Variants in SLC66A1 observed in about 807,000 individuals in gnomAD.
The protein encoded by SLC66A1 is solute carrier family 66 member 1.
In SLC66A1, 23 loss-of-function variants were observed where a neutral mutation model predicts 33.0. The ratio of observed to expected loss-of-function variants is 0.70; its 90% CI spans 0.50 to 0.99. The LOEUF (loss-of-function observed/expected upper bound fraction) is 0.99, where lower values mean the gene tolerates loss of function less well. Among genes scored for constraint, SLC66A1 ranks in the 50% least tolerant of loss-of-function variants. SLC66A1 has a pLI of 0.00. For synonymous variants in SLC66A1, 164 were observed against 175.5 expected (o/e 0.93, Z 0.52); for missense variants, 335 against 383.6 (o/e 0.87, Z 1.06).
downstream of SLC66A1, among the ~76,000 whole-genome samples, chr1:19,333,983 G>A (rs2093898570): frequency 6.6e-6 from 1 of 152,172 alleles, no homozygotes; most frequent in Non-Finnish European, 1.5e-5. This position sits in a 1 kb window ranked among gnomAD's most constrained non-coding sequence, Gnocchi z 4.2. Flanking sequence ...AGGGCAGGGA[G>A]TGGGTTACCT....
In SLC66A1 at chr1:19,322,408, C is replaced by G. The variant is rs544462928; in HGVS notation, c.165-2225C>G. 5.3e-5 allele frequency among the ~76,000 whole-genome samples: 8 copies of G among 152,110 alleles called. No homozygotes were observed. In the South Asian group the frequency reaches 1.5e-3, roughly 28 times the overall value. ...TGGTCTTCCCTAGGACTCAGTCTCT[C>G]CTGAGTGGGACAGAATCACTTTCCT... On this transcript the variant is annotated intron_variant, in intron 2 of 7. Coordinates refer to ENST00000375153, the MANE Select transcript of SLC66A1 (RefSeq NM_001040125.2).
intron 2 of SLC66A1, among the ~76,000 whole-genome samples, chr1:19,322,074 G>A (rs905787355): frequency 2.0e-5 from 3 of 152,156 alleles, no homozygotes; most frequent in South Asian, 2.1e-4. Flanking sequence ...TGGGAGTGAC[G>A]GGGAGGAAGG....
At chr1:19,327,522 T>A in intron 7 of SLC66A1, 110 bp downstream of exon 7, 1 of 1,272,470 alleles carries the variant, frequency 7.9e-7, no homozygotes, top group Non-Finnish European at 1.1e-6. Flanking sequence ...CATCCGTCCA[T>A]CCATCCATCC....
intron 2 of SLC66A1, among the ~76,000 whole-genome samples, chr1:19,323,395 GTTTC>G (rs2093847383): frequency 6.6e-6 from 1 of 151,028 alleles, no homozygotes; most frequent in Non-Finnish European, 1.5e-5. Flanking sequence ...TAGTTAGTTA[GTTTC>G]TTTGTTTCTT....
At chr1:19,332,257 T>G (rs2093894615), downstream of SLC66A1, among the ~76,000 whole-genome samples, 1 of 152,210 alleles carries the variant, frequency 6.6e-6, no homozygotes, top group Admixed American at 6.6e-5. Context: ...CCCCAGCCAC[T>G]GAGCCTTGTG....
chr1:19,318,471 A>G (rs984276977), intron 2 of SLC66A1, among the ~76,000 whole-genome samples: 17 of 152,164 alleles, frequency 1.1e-4, no homozygotes, highest in Non-Finnish European at 2.2e-4. Context: ...TTGTTACCTA[A>G]CTAGATGGTT....
intron 4 of SLC66A1, 37 bp downstream of exon 4, chr1:19,325,619 C>A: frequency 1.6e-6 from 2 of 1,277,872 alleles, no homozygotes; most frequent in Non-Finnish European, 2.2e-6. Flanking sequence ...GATGCTCTAC[C>A]AGCAGCAGGG....
chr1:19,319,621 T>TTTTG (rs1343830305), intron 2 of SLC66A1, among the ~76,000 whole-genome samples: 2,119 of 149,104 alleles, frequency 0.014, 108 homozygotes, highest in African/African-American at 0.051. Context: ...TTTTTTTTTT[T>TTTTG]GCCTGGTGCA....
intron 7 of SLC66A1, chr1:19,327,697 A>G (rs1411518090): frequency 3.3e-6 from 2 of 612,884 alleles, no homozygotes; most frequent in African/African-American, 3.6e-5. Flanking sequence ...CGCTATCATC[A>G]AAGAATTACT....
At position 19,328,827 on chromosome 1, in the gene SLC66A1, G is replaced by A. The variant is rs968316688; in HGVS notation, c.*184G>A. ...TAGACCCCGAAGCCTCAAGGCCGGG[G>A]CTGGAGCGGAGACCCCAGGGCCTCT... On this transcript the variant is annotated 3_prime_UTR_variant, in exon 8 of 8. Coordinates refer to ENST00000375153, the MANE Select transcript of SLC66A1 (RefSeq NM_001040125.2). This position sits in a 1 kb window ranked among gnomAD's most constrained non-coding sequence, Gnocchi z 4.7. 8 of 665,840 alleles carry A rather than the reference G, an allele frequency of 1.2e-5. No homozygotes were observed. Among genetic ancestry groups the A allele is most frequent in the Non-Finnish European group, 2.0e-5 (8 of 394,140 alleles). The allele number at this position is 665,840 out of a possible 1,614,324, so 41.2% of individuals were successfully genotyped here. A position where few individuals can be genotyped will look rare whatever the true frequency, so the allele number is the denominator to read the frequency against.
At chr1:19,331,833 T>C (rs1032908807), downstream of SLC66A1, among the ~76,000 whole-genome samples, 5 of 152,268 alleles carry the variant, frequency 3.3e-5, 1 homozygote, top group Admixed American at 3.3e-4. Flanking sequence ...TGGGATAACA[T>C]AGCCCCTGCT....
intron 2 of SLC66A1, among the ~76,000 whole-genome samples, chr1:19,319,609 T>TTTTTTTG (rs1553261874): frequency 2.0e-5 from 3 of 147,926 alleles, no homozygotes; most frequent in African/African-American, 7.7e-5. Flanking sequence ...ATTCATGTTT[T>TTTTTTTG]TTTTTTTTTT....
At chr1:19,326,909 G>A (rs752428901) in intron 6 of SLC66A1, among the ~76,000 whole-genome samples, 4 of 152,216 alleles carry the variant, frequency 2.6e-5, no homozygotes, top group Non-Finnish European at 5.9e-5. Flanking sequence ...GGCCTGAGGG[G>A]AGAGGAGAAG....
downstream of SLC66A1, among the ~76,000 whole-genome samples, chr1:19,332,436 G>A (rs2093895159): frequency 6.6e-6 from 1 of 152,170 alleles, no homozygotes; most frequent in African/African-American, 2.4e-5. Flanking sequence ...TCATCAGGGG[G>A]CTTACCAATG....
At position 19,312,438 on chromosome 1, in the gene SLC66A1, C is replaced by T. The variant is rs552363949; in HGVS notation, c.-530C>T. 68 of 187,376 alleles carry T rather than the reference C, an allele frequency of 3.6e-4. No individual in the cohort carries two copies. In the South Asian group the frequency reaches 0.012, roughly 34 times the overall value. The allele number at this position is 187,376 out of a possible 1,614,324, so 11.6% of individuals were successfully genotyped here. ...GGGCTTCCCTGCCACATCCTTCCAG[C>T]CCTCTCCTCCGGCCGCTGGACTGTC... On this transcript the variant is annotated 5_prime_UTR_variant, in exon 1 of 8. Coordinates refer to ENST00000375153, the MANE Select transcript of SLC66A1 (RefSeq NM_001040125.2).
intron 2 of SLC66A1, among the ~76,000 whole-genome samples, chr1:19,319,045 A>G (rs979288808): frequency 1.3e-5 from 2 of 152,228 alleles, no homozygotes; most frequent in Non-Finnish European, 2.9e-5. Flanking sequence ...CCTAAGCGGC[A>G]TGCTCTGCTC....
Position 19,312,335 on chromosome 1 carries a change from G to C in SLC66A1, c.-633G>C, listed in dbSNP as rs977026304. On this transcript the variant is annotated 5_prime_UTR_variant, in exon 1 of 8. Transcript: ENST00000375153. Reference sequence around the variant, plus strand: ...CGGCGGGCCTTGACCCAGAAGCTGGGCCCTGGCGGCGGATCTGGACGTGGT... The same window carrying C: ...CGGCGGGCCTTGACCCAGAAGCTGGCCCCTGGCGGCGGATCTGGACGTGGT... 4 of 280,370 alleles carry C rather than the reference G, an allele frequency of 1.4e-5. No homozygotes were observed. The highest frequency in any genetic ancestry group is 2.6e-5 in the Non-Finnish European group (4 of 156,556). 17.4% of individuals were successfully genotyped at this position (280,370 alleles called of 1,614,324 possible).
chr1:19,319,710 C>T (rs969560518), intron 2 of SLC66A1, among the ~76,000 whole-genome samples: 1 of 148,018 alleles, frequency 6.8e-6, no homozygotes, highest in Non-Finnish European at 1.5e-5. Context: ...CAAGACCGGC[C>T]TGGCCAACAT....
the SLC66A1 span, among the ~76,000 whole-genome samples, chr1:19,334,400 T>A: frequency 6.6e-6 from 1 of 152,216 alleles, no homozygotes; most frequent in African/African-American, 2.4e-5. Flanking sequence ...AAGATTTGGA[T>A]GGGAAGTTAT....
Sources: gnomAD v4.1 joint callset for allele counts (sites outside exome capture counted in the v4.1 genomes callset) on GRCh38, gnomAD v4.1.1 for gene constraint, Gnocchi (gnomAD v3.1) non-coding constraint, MANE v1.5 for transcripts, NCBI Gene and HGNC (gene_info 2026-07-23, HGNC 2026-07-21) for gene names.